Variants in FER observed in about 807,000 individuals in gnomAD.
FER encodes FER tyrosine kinase.
In FER, 63 loss-of-function variants were observed where a neutral mutation model predicts 111.0. The observed-to-expected ratio is 0.57, with a 90% confidence interval of 0.46 to 0.70. The LOEUF is 0.70. Ranked by LOEUF, FER falls within the 30% of genes least tolerant of loss-of-function variation. The pLI is 0.00. For synonymous variants in FER, 327 were observed against 313.9 expected (o/e 1.04, Z -0.44); for missense variants, 914 against 954.0 (o/e 0.96, Z 0.55).
chr5:109,077,156 A>G (rs1776438762), intron 16 of FER, among the ~76,000 whole-genome samples: 1 of 152,222 alleles, frequency 6.6e-6, no homozygotes, highest in Non-Finnish European at 1.5e-5. Context: ...AATTTTAACA[A>G]TATTGCTAAA....
At position 108,872,113 on chromosome 5, in the gene FER, A is replaced by G. The variant is rs954295449; in HGVS notation, c.824A>G (p.Gln275Arg). Residue 275 changes from glutamine to arginine, a missense_variant, in exon 8 of 20, where the codon CAA becomes CGA. Gln to Arg is a conservative substitution (Grantham distance 43). This residue lies in a region of FER where 774 missense variants were observed against 782.6 expected (regional missense o/e 0.99). Transcript: ENST00000281092. ...DVHRTTAAKE[Q>R]EIEFDTSLLE... is the part of the protein sequence containing the mutation. ...ACTAGAACAACGGCTGCTAAAGAAC[A>G]AGAAATAGAGTTTGATACTTCCTTA... 6.2e-7 allele frequency: 1 copy of G among 1,611,158 alleles called. No individual in the cohort carries two copies. The highest frequency in any genetic ancestry group is 1.3e-5 in the African/African-American group (1 of 74,814).
At chr5:109,036,841 T>C (rs1770474493) in intron 13 of FER, among the ~76,000 whole-genome samples, 1 of 152,028 alleles carries the variant, frequency 6.6e-6, no homozygotes, top group African/African-American at 2.4e-5. Context: ...TTCAATGATA[T>C]GTTTGCATCA....
chr5:108,855,820 C>T (rs1762954014), intron 5 of FER, among the ~76,000 whole-genome samples: 1 of 151,844 alleles, frequency 6.6e-6, no homozygotes, highest in African/African-American at 2.4e-5. Flanking sequence ...ACAGGGAAAA[C>T]CCTAAATGGG....
chr5:109,164,977 A>G (rs1756382888), intron 17 of FER, among the ~76,000 whole-genome samples: 1 of 151,834 alleles, frequency 6.6e-6, no homozygotes, highest in Non-Finnish European at 1.5e-5. Flanking sequence ...CCTTTTGTAG[A>G]TTCCCTTTTT....
At chr5:108,839,572 CTTTTTTTTTT>C (rs1232820003) in intron 5 of FER, among the ~76,000 whole-genome samples, 1 of 94,734 alleles carries the variant, frequency 1.1e-5, no homozygotes, top group Admixed American at 1.2e-4. Context: ...ATGCCATTTT[CTTTTTTTTTT>C]TTTTTTTTTT....
rs529930205 is a variant in FER, at chr5:108,992,404, C to T, written c.1656+33057C>T. Among the ~76,000 whole-genome samples the T allele has an allele frequency of 7.7e-3, 1,174 of 152,254 alleles. 9 individuals carry two copies. Among genetic ancestry groups the T allele is most frequent in the Non-Finnish European group, 0.013 (867 of 68,002 alleles). On this transcript the variant is annotated intron_variant, in intron 13 of 19. Coordinates refer to ENST00000281092, the MANE Select transcript of FER (RefSeq NM_005246.4). Reference sequence around the variant, plus strand: ...TGAGCTGTTGGGTACACCTCCCAGACGGGGTGGTGGCCAGGCAGAGGGGCT... The same window carrying T: ...TGAGCTGTTGGGTACACCTCCCAGATGGGGTGGTGGCCAGGCAGAGGGGCT...
chr5:108,828,151 T>C (rs886909220), intron 3 of FER, among the ~76,000 whole-genome samples: 1 of 152,188 alleles, frequency 6.6e-6, no homozygotes, highest in Admixed American at 6.5e-5. Context: ...ATTACAGATA[T>C]GAGCCACTGC....
intron 17 of FER, among the ~76,000 whole-genome samples, chr5:109,113,725 A>G (rs1308241640): frequency 6.6e-6 from 1 of 152,146 alleles, no homozygotes; most frequent in Non-Finnish European, 1.5e-5. Context: ...TAATTCATGG[A>G]CAAAAGAATT....
chr5:109,083,367 T>G (rs1255487941), intron 16 of FER, among the ~76,000 whole-genome samples: 1 of 152,024 alleles, frequency 6.6e-6, no homozygotes, highest in African/African-American at 2.4e-5. Context: ...ATCATACCAC[T>G]AATAACATTA....
intron 5 of FER, among the ~76,000 whole-genome samples, chr5:108,846,425 C>T (rs1212139649): frequency 6.6e-6 from 1 of 150,402 alleles, no homozygotes; most frequent in Admixed American, 6.6e-5. Flanking sequence ...GACCTTGTCT[C>T]TGGAAAAAAA....
At chr5:108,916,337 T>TA (rs1398638268) in intron 10 of FER, among the ~76,000 whole-genome samples, 6 of 152,160 alleles carry the variant, frequency 3.9e-5, no homozygotes, top group African/African-American at 1.4e-4. Context: ...TATCTGTACT[T>TA]ACTTGATTCA....
chr5:109,054,647 G>T (rs1302852446), intron 16 of FER, among the ~76,000 whole-genome samples: 1 of 151,850 alleles, frequency 6.6e-6, no homozygotes, highest in East Asian at 1.9e-4. Context: ...TTTTTTGATG[G>T]TATATCTAAG....
At chr5:109,041,061 C>A (rs1252965951) in intron 14 of FER, among the ~76,000 whole-genome samples, 1 of 152,082 alleles carries the variant, frequency 6.6e-6, no homozygotes. Context: ...GAGAAGCAGT[C>A]ATCCAGAAAA....
At chr5:108,862,352 T>C (rs1763605431) in intron 5 of FER, among the ~76,000 whole-genome samples, 1 of 152,052 alleles carries the variant, frequency 6.6e-6, no homozygotes, top group Admixed American at 6.6e-5. Context: ...CTGAGTTGAG[T>C]GTTGTATGTT....
At chr5:109,186,742 G>A (rs776577007) in intron 19 of FER, among the ~76,000 whole-genome samples, 1 of 152,166 alleles carries the variant, frequency 6.6e-6, no homozygotes, top group African/African-American at 2.4e-5. Context: ...AAACCCTTTG[G>A]GGTTCCTAGA....
chr5:109,043,316 G>A (rs559032510), intron 14 of FER, among the ~76,000 whole-genome samples: 3 of 152,014 alleles, frequency 2.0e-5, no homozygotes, highest in African/African-American at 4.8e-5. Context: ...GACAATTGTG[G>A]GTAAAAGACA....
At chr5:108,770,991 C>G (rs1241014232) in intron 2 of FER, among the ~76,000 whole-genome samples, 3 of 151,616 alleles carry the variant, frequency 2.0e-5, no homozygotes, top group African/African-American at 7.3e-5. Context: ...GGCTGGAGTG[C>G]AGTGGTGTGA....
At position 108,971,003 on chromosome 5, in the gene FER, T is replaced by C. The variant is rs938227509; in HGVS notation, c.1656+11656T>C. Among the ~76,000 whole-genome samples the C allele has an allele frequency of 2.0e-5, 3 of 152,142 alleles. No individual in the cohort carries two copies. In the South Asian group the frequency reaches 6.2e-4, roughly 32 times the overall value. On this transcript the variant is annotated intron_variant, in intron 13 of 19. Coordinates refer to ENST00000281092, the MANE Select transcript of FER (RefSeq NM_005246.4). ...GTGATACCACATACTTCATACCTCATATGTGAGATATATACATAACTCACT... is the reference window on the plus strand; with the variant it reads ...GTGATACCACATACTTCATACCTCACATGTGAGATATATACATAACTCACT...
At chr5:109,161,198 G>C (rs766930219) in intron 17 of FER, among the ~76,000 whole-genome samples, 1 of 152,230 alleles carries the variant, frequency 6.6e-6, no homozygotes, top group Middle Eastern at 3.4e-3. Flanking sequence ...TTTTCAAATA[G>C]TGTCTGTAGG....
Sources: allele counts gnomAD v4.1 joint callset (sites outside exome capture counted in the v4.1 genomes callset), GRCh38; gene constraint gnomAD v4.1.1; regional missense constraint gnomAD v4.1.1; transcripts MANE v1.5; gene names NCBI Gene and HGNC (gene_info 2026-07-23, HGNC 2026-07-21).